The following RHBDD1 variants were observed in gnomAD, a reference collection of about 807,000 sequenced individuals.
RHBDD1 encodes rhomboid-related protein 4.
A neutral mutation model predicts 36.3 loss-of-function variants in RHBDD1; 38 were observed. The ratio of observed to expected loss-of-function variants is 1.05; its 90% CI spans 0.81 to 1.37. RHBDD1 has a LOEUF of 1.37. Ranked by LOEUF, RHBDD1 falls within the 40% of genes most tolerant of loss-of-function variation. RHBDD1 has a pLI of 0.00. For missense variants in RHBDD1, 393 were observed against 377.6 expected (o/e 1.04, Z -0.34); for synonymous variants, 151 against 136.5 (o/e 1.11, Z -0.74).
chr2:226,865,692 C>G (rs1269909443), intron 4 of RHBDD1, among the ~76,000 whole-genome samples: 1 of 152,162 alleles, frequency 6.6e-6, no homozygotes, highest in Non-Finnish European at 1.5e-5. Flanking sequence ...AAATAAGGAA[C>G]CCCAAAGAGG....
intron 5 of RHBDD1, among the ~76,000 whole-genome samples, chr2:226,892,136 A>C (rs1427615169): frequency 1.3e-5 from 2 of 152,178 alleles, no homozygotes; most frequent in African/African-American, 2.4e-5. Context: ...ATTCAGCTCA[A>C]ATGGGCAGAT....
At position 226,943,510 on chromosome 2, in the gene RHBDD1, G is replaced by A. The variant is rs116527229; in HGVS notation, c.856+29159G>A. ...AGGGAACCACTTGCTTCTGGCTAGC[G>A]TGATGCTAAAATAAAATGTAGCCCA... On this transcript the variant is annotated intron_variant, in intron 8 of 8. Transcript: ENST00000392062. 3.4e-3 allele frequency among the ~76,000 whole-genome samples: 524 copies of A among 152,238 alleles called. 2 individuals carry two copies. Among genetic ancestry groups the A allele is most frequent in the African/African-American group, 0.011 (474 of 41,548 alleles).
chr2:226,952,537 A>AT (rs1192115775), intron 8 of RHBDD1, among the ~76,000 whole-genome samples: 1 of 152,112 alleles, frequency 6.6e-6, no homozygotes, highest in Non-Finnish European at 1.5e-5. Flanking sequence ...GCCTCATGTG[A>AT]TCTGCCCACC....
At chr2:226,806,418 TTATG>T in the RHBDD1 span, among the ~76,000 whole-genome samples, 8 of 152,334 alleles carry the variant, frequency 5.3e-5, no homozygotes, top group East Asian at 1.5e-3. Flanking sequence ...TCCATGAGTT[TTATG>T]TATGCTAAGA....
chr2:226,812,703 G>A, the RHBDD1 span, among the ~76,000 whole-genome samples: 2 of 151,642 alleles, frequency 1.3e-5, no homozygotes, highest in Admixed American at 6.6e-5. Context: ...TTCTAGAATG[G>A]CAAACAAGAT....
Position 226,987,886 on chromosome 2 carries a change from T to A in RHBDD1, c.857-7545T>A, listed in dbSNP as rs550406075. The stretch of plus-strand genomic sequence containing the variant: ...TGAGGGGGTGGAGGGGATCCAATAA[T>A]CTGCATTTTGAACAGGTTCTTCATT... On this transcript the variant is annotated intron_variant, in intron 8 of 8. Coordinates refer to ENST00000392062, the MANE Select transcript of RHBDD1 (RefSeq NM_001167608.3). Among the ~76,000 whole-genome samples the A allele has an allele frequency of 7.9e-5, 12 of 152,278 alleles. No individual in the cohort carries two copies. In the East Asian group the frequency reaches 2.3e-3, roughly 29 times the overall value.
chr2:226,907,247 C>A (rs530936624), intron 6 of RHBDD1, among the ~76,000 whole-genome samples: 1 of 152,186 alleles, frequency 6.6e-6, no homozygotes, highest in South Asian at 2.1e-4. Context: ...ACGTGCAAGG[C>A]AAAGGTGAAA....
intron 5 of RHBDD1, among the ~76,000 whole-genome samples, chr2:226,902,923 A>C (rs1397834458): frequency 6.6e-6 from 1 of 152,226 alleles, no homozygotes; most frequent in Non-Finnish European, 1.5e-5. Context: ...ATGAGATTCA[A>C]GATTAATTGT....
At chr2:226,885,237 A>G (rs1274936610) in intron 5 of RHBDD1, among the ~76,000 whole-genome samples, 2 of 152,184 alleles carry the variant, frequency 1.3e-5, no homozygotes, top group African/African-American at 4.8e-5. Context: ...GGGGCTGTAC[A>G]TTGGTATAAA....
intron 3 of RHBDD1, among the ~76,000 whole-genome samples, chr2:226,853,566 T>C (rs1943042459): frequency 6.6e-6 from 1 of 152,236 alleles, no homozygotes; most frequent in Non-Finnish European, 1.5e-5. Flanking sequence ...TGAGTCCTTA[T>C]ACTCCAGCTT....
At chr2:226,842,650 T>C (rs1343933388) in intron 3 of RHBDD1, among the ~76,000 whole-genome samples, 1 of 152,206 alleles carries the variant, frequency 6.6e-6, no homozygotes, top group Non-Finnish European at 1.5e-5. Context: ...TCTATGTATC[T>C]GTTCTTGTAC....
the RHBDD1 span, among the ~76,000 whole-genome samples, chr2:226,806,303 C>T: frequency 6.6e-6 from 1 of 152,144 alleles, no homozygotes; most frequent in Non-Finnish European, 1.5e-5. Flanking sequence ...ATCAGAATCA[C>T]CTGTGGAATT....
At chr2:226,878,669 C>T (rs546345911) in intron 5 of RHBDD1, among the ~76,000 whole-genome samples, 24 of 152,278 alleles carry the variant, frequency 1.6e-4, no homozygotes, top group African/African-American at 5.8e-4. Flanking sequence ...CCAGTTTTCT[C>T]TGCTGAGGCT....
intron 8 of RHBDD1, among the ~76,000 whole-genome samples, chr2:226,940,408 A>T (rs1049214027): frequency 6.6e-6 from 1 of 152,184 alleles, no homozygotes; most frequent in African/African-American, 2.4e-5. Context: ...TATATCTTCA[A>T]TTATGAATTG....
intron 8 of RHBDD1, among the ~76,000 whole-genome samples, chr2:226,941,226 A>T (rs1028366274): frequency 4.6e-5 from 7 of 151,584 alleles, no homozygotes; most frequent in Admixed American, 6.6e-5. Flanking sequence ...TCAGCCTCCC[A>T]AAGTGCTGGG....
chr2:226,997,924 A>G lies in RHBDD1; in HGVS notation c.*2402A>G, dbSNP rs1012117024. 6 of 152,248 alleles carry G rather than the reference A, an allele frequency of 3.9e-5. No homozygotes were observed. The highest frequency in any genetic ancestry group is 5.9e-5 in the Non-Finnish European group (4 of 68,042). 9.4% of individuals were successfully genotyped at this position (152,248 alleles called of 1,614,324 possible). A position where few individuals can be genotyped will look rare whatever the true frequency, so the allele number is the denominator to read the frequency against. On this transcript the variant is annotated 3_prime_UTR_variant, in exon 9 of 9. Transcript: ENST00000392062. Reference sequence around the variant, plus strand: ...CCATTTTATTTTATTTTCCTCTACAATAAGGAATCCCTAAAGTTATGCCAA... The same window carrying G: ...CCATTTTATTTTATTTTCCTCTACAGTAAGGAATCCCTAAAGTTATGCCAA...
chr2:226,818,787 C>T, the RHBDD1 span, among the ~76,000 whole-genome samples: 184 of 151,862 alleles, frequency 1.2e-3, no homozygotes, highest in Middle Eastern at 0.017. Flanking sequence ...TGCAGTGAGA[C>T]GAGATTGCGC....
intron 8 of RHBDD1, among the ~76,000 whole-genome samples, chr2:226,928,664 T>C (rs1949822636): frequency 6.6e-6 from 1 of 151,620 alleles, no homozygotes; most frequent in African/African-American, 2.4e-5. Flanking sequence ...CAGAGCAGAA[T>C]TAACAGAAAT....
chr2:226,817,960 G>A, the RHBDD1 span, among the ~76,000 whole-genome samples: 1 of 152,026 alleles, frequency 6.6e-6, no homozygotes, highest in Non-Finnish European at 1.5e-5. Flanking sequence ...TGTTTGTATT[G>A]GTAAAGTCTA....
Sources: gnomAD v4.1 joint callset for allele counts (sites outside exome capture counted in the v4.1 genomes callset) on GRCh38, gnomAD v4.1.1 for gene constraint, MANE v1.5 for transcripts, NCBI Gene and HGNC (gene_info 2026-07-23, HGNC 2026-07-21) for gene names.